ZNF732: variants seen among roughly 807,000 people sequenced by gnomAD.
ZNF732 encodes the protein zinc finger protein LOC654254.
ZNF732 carries 12 observed loss-of-function variants against 11.5 expected under a neutral mutation model. The observed-to-expected ratio is 1.05, with a 90% CI of 0.67 to 1.70. The LOEUF (loss-of-function observed/expected upper bound fraction) is 1.70. Among genes scored for constraint, ZNF732 ranks in the 40% most tolerant of loss-of-function variants. The pLI is 0.00. For synonymous variants in ZNF732, 231 were observed against 236.5 expected, an observed-to-expected ratio of 0.98 and a Z score of 0.21; for missense variants, 702 against 676.9, an observed-to-expected ratio of 1.04 and a Z score of -0.41.
chr4:296,233 C>A, intron 1 of ZNF732, 78 bp from the exon 2 acceptor site: 1 of 1,546,310 alleles, frequency 6.5e-7, no homozygotes, highest in East Asian at 2.3e-5. Flanking sequence ...CTAGTTCTGA[C>A]ATGTGACTGA....
intron 1 of ZNF732, 103 bp downstream of exon 1, chr4:305,205 C>G (rs2108663837): frequency 6.9e-7 from 1 of 1,440,282 alleles, no homozygotes; most frequent in Non-Finnish European, 9.2e-7. Flanking sequence ...GGCTGAGCGG[C>G]GGCAGCGGAG....
At position 272,018 on chromosome 4, in the gene ZNF732, C is replaced by T. The variant is rs141070128; in HGVS notation, c.839G>A (p.Cys280Tyr). Residue 280 changes from cysteine (C) to tyrosine (Y), a missense_variant, in exon 4 of 4, where the codon TGT becomes TAT. By Grantham distance (194) the Cys-to-Tyr change is radical. Transcript: ENST00000419098. ...RIHAEEKPFT[C>Y]EECGKIITSS... ...GGTAATGATTTTGCCACATTCTTCA[C>T]ATGTGAAGGGTTTCTCTTCAGCATG... 1 of 1,609,872 alleles carries T rather than the reference C, an allele frequency of 6.2e-7. No individual in the cohort carries two copies. The highest frequency in any genetic ancestry group is 8.5e-7 in the Non-Finnish European group (1 of 1,177,840).
intron 3 of ZNF732, among the ~76,000 whole-genome samples, chr4:293,278 ATGTGTATATATATATATATATGTGTGTG>A (rs1560162740): frequency 3.1e-5 from 4 of 130,222 alleles, no homozygotes; most frequent in African/African-American, 9.7e-5. Context: ...GTATATATGT[ATGTGTATATATATATATATATGTGTGTG>A]TGTGTATATA....
intron 3 of ZNF732, among the ~76,000 whole-genome samples, chr4:295,054 T>C (rs1310992116): frequency 1.3e-5 from 2 of 152,088 alleles, no homozygotes; most frequent in East Asian, 3.9e-4. Flanking sequence ...ATATGTCCAC[T>C]ACTCACCGTG....
intron 3 of ZNF732, among the ~76,000 whole-genome samples, chr4:275,623 ACT>A (rs1240274972): frequency 1.3e-5 from 2 of 151,794 alleles, no homozygotes; most frequent in African/African-American, 2.4e-5. Context: ...TAATTTAGAC[ACT>A]CATAATTATT....
intron 3 of ZNF732, among the ~76,000 whole-genome samples, chr4:286,213 G>A (rs1161388228): frequency 6.6e-6 from 1 of 152,168 alleles, no homozygotes; most frequent in Non-Finnish European, 1.5e-5. Context: ...GTCAAAAAGA[G>A]AAACATCAGA....
Position 271,800 on chromosome 4 carries a change from T to A in ZNF732, c.1057A>T (p.Lys353Ter), listed in dbSNP as rs782509897. ...FSRSSVLNEHKRIHTGEKPYK... is the reference protein window; with the variant it reads ...FSRSSVLNEH ...GGCTTCTCTCCAGTATGAATTCTCT[T>A]ATGTTCATTCAGAACTGAGGACCTA... Residue 353 changes from lysine to a stop codon, truncating the protein, a stop_gained, in exon 4 of 4, where the codon AAG becomes TAG. Coordinates refer to ENST00000419098, the MANE Select transcript of ZNF732 (RefSeq NM_001137608.3). LOFTEE classifies it low-confidence loss of function (END_TRUNC). The A allele has an allele frequency of 6.2e-7, 1 of 1,613,214 alleles. No homozygotes were observed. Among genetic ancestry groups the A allele is most frequent in the Non-Finnish European group, 8.5e-7 (1 of 1,179,608 alleles).
Position 292,109 on chromosome 4 carries a change from C to T in ZNF732, c.226+3329G>A, listed in dbSNP as rs1223528192. Among the ~76,000 whole-genome samples, 4 of 152,002 alleles carry T rather than the reference C, an allele frequency of 2.6e-5. No individual in the cohort carries two copies. The East Asian group carries it at 5.8e-4, about 22-fold the overall frequency. Reference sequence around the variant, plus strand: ...ATAAGATAAAAAACCTTAGAACTCCCGAAGAACATATATGGAAAAGCCCTG... The same window carrying T: ...ATAAGATAAAAAACCTTAGAACTCCTGAAGAACATATATGGAAAAGCCCTG... On this transcript the variant is annotated intron_variant, in intron 3 of 3. Coordinates refer to ENST00000419098, the MANE Select transcript of ZNF732 (RefSeq NM_001137608.3).
chr4:275,003 T>C (rs1719463773), intron 3 of ZNF732, among the ~76,000 whole-genome samples: 1 of 151,594 alleles, frequency 6.6e-6, no homozygotes, highest in Non-Finnish European at 1.5e-5. Context: ...TGAAACAAGA[T>C]AAAATATTCA....
At chr4:281,226 C>T (rs1553839734) in intron 3 of ZNF732, among the ~76,000 whole-genome samples, 3 of 152,174 alleles carry the variant, frequency 2.0e-5, no homozygotes, top group African/African-American at 7.2e-5. Flanking sequence ...AAGTCCTACC[C>T]ACCTAGAAAT....
intron 3 of ZNF732, among the ~76,000 whole-genome samples, chr4:288,454 C>T (rs943301020): frequency 3.9e-5 from 6 of 152,182 alleles, no homozygotes; most frequent in Admixed American, 3.3e-4. Flanking sequence ...CTCAATTTTT[C>T]CCATGTGGAT....
intron 3 of ZNF732, among the ~76,000 whole-genome samples, chr4:291,760 G>A (rs1245882195): frequency 2.0e-5 from 3 of 152,050 alleles, no homozygotes; most frequent in Admixed American, 6.6e-5. Context: ...TTTAAATAAC[G>A]TAAGCCATCT....
At chr4:283,160 A>C (rs1457340419) in intron 3 of ZNF732, among the ~76,000 whole-genome samples, 1 of 152,148 alleles carries the variant, frequency 6.6e-6, no homozygotes, top group Non-Finnish European at 1.5e-5. Context: ...CTATCATAAA[A>C]GTGAGCTCGT....
intron 1 of ZNF732, among the ~76,000 whole-genome samples, chr4:299,532 T>C (rs565533229): frequency 1.2e-3 from 158 of 132,448 alleles, no homozygotes; most frequent in South Asian, 2.3e-3. Flanking sequence ...TGTGTATATA[T>C]ACATATATAC....
intron 3 of ZNF732, among the ~76,000 whole-genome samples, chr4:276,955 G>C (rs1221804845): frequency 6.9e-6 from 1 of 145,964 alleles, no homozygotes; most frequent in Non-Finnish European, 1.5e-5. Flanking sequence ...TAATGACATA[G>C]ACAGATCAAA....
In ZNF732 at chr4:271,050, C is replaced by G. The variant is rs1473299677; in HGVS notation, c.*49G>C. 2 of 1,365,732 alleles carry G rather than the reference C, an allele frequency of 1.5e-6. No individual in the cohort carries two copies. Among genetic ancestry groups the G allele is most frequent in the South Asian group, 3.0e-5 (2 of 67,174 alleles). The allele number at this position is 1,365,732 out of a possible 1,614,324, so 84.6% of individuals were successfully genotyped here. ...TTTCCAGTATAAATTTTCTTATGTT[C>G]ATTCAGGTTTGTGGATCATCCAAAG... On this transcript the variant is annotated 3_prime_UTR_variant, in exon 4 of 4. Transcript: ENST00000419098.
At chr4:285,519 G>A (rs1436663498) in intron 3 of ZNF732, among the ~76,000 whole-genome samples, 1 of 152,176 alleles carries the variant, frequency 6.6e-6, no homozygotes, top group Non-Finnish European at 1.5e-5. Context: ...TGGGAGAAGT[G>A]TGGCCACACC....
At position 272,426 on chromosome 4, in the gene ZNF732, T is replaced by C. The variant is rs1553837943; in HGVS notation, c.431A>G (p.Asn144Ser). ...TGTACTAAATACTTTGACATGTACATTACACTGAAATATTTTGCTCTGGAT... is the reference window on the plus strand; with the variant it reads ...TGTACTAAATACTTTGACATGTACACTACACTGAAATATTTTGCTCTGGAT... ...STIQSKIFQC[N>S]VHVKVFSTFS... The change falls in exon 4 of 4, where the codon AAT becomes AGT. Residue 144 changes from asparagine (N) to serine (S), a missense_variant. By Grantham distance (46) the Asn-to-Ser change is conservative (BLOSUM62 1). This residue lies in a region of ZNF732 where 596 missense variants were observed against 557.9 expected (regional missense o/e 1.07). Transcript: ENST00000419098. 1.3e-6 allele frequency: 2 copies of C among 1,597,806 alleles called. No homozygotes were observed. The highest frequency in any genetic ancestry group is 1.8e-5 in the Admixed American group (1 of 56,988).
rs555866310 is a variant in ZNF732 at position 272,576 on chromosome 4, G to C, written c.281C>G (p.Ser94Trp). Reference protein sequence around the residue: ...DFLPVQGIEDSFHKLILRRYE... With the variant: ...DFLPVQGIEDWFHKLILRRYE... ...TCTTCTTAATATAAGTTTGTGGAAC[G>C]AATCTTCTATCCCCTGCACTGGCAA... The change falls in exon 4 of 4, where the codon TCG becomes TGG. Residue 94 changes from serine (S) to tryptophan (W), a missense_variant. Ser to Trp is a radical substitution (Grantham distance 177, BLOSUM62 -3). Coordinates refer to ENST00000419098, the MANE Select transcript of ZNF732 (RefSeq NM_001137608.3). 3.8e-6 allele frequency: 6 copies of C among 1,587,230 alleles called. No homozygotes were observed. The highest frequency in any genetic ancestry group is 1.2e-5 in the South Asian group (1 of 86,050).
Sources: gnomAD v4.1 joint callset for allele counts (sites outside exome capture counted in the v4.1 genomes callset) on GRCh38, gnomAD v4.1.1 for gene constraint, gnomAD v4.1.1 regional missense constraint, MANE v1.5 for transcripts, NCBI Gene and HGNC (gene_info 2026-07-23, HGNC 2026-07-21) for gene names.